ZBTB46: variants seen among roughly 807,000 people sequenced by gnomAD.
The protein encoded by ZBTB46 is zinc finger and BTB domain containing 46, also known as zinc finger and BTB domain-containing protein 46.
Under a neutral mutation model 44.1 loss-of-function variants are expected in ZBTB46, and 8 were observed. The ratio of observed to expected loss-of-function variants is 0.18; its 90% CI spans 0.11 to 0.33. ZBTB46 has a LOEUF of 0.33. Among genes scored for constraint, ZBTB46 ranks in the 10% least tolerant of loss-of-function variants. ZBTB46 has a pLI of 1.00. For synonymous variants in ZBTB46, 409 were observed against 382.3 expected, an observed-to-expected ratio of 1.07 and a Z score of -0.81; for missense variants, 651 against 847.7, an observed-to-expected ratio of 0.77 and a Z score of 2.88.
At chr20:63,750,901 CA>C (rs990711658) in intron 4 of ZBTB46, among the ~76,000 whole-genome samples, 40 of 143,212 alleles carry the variant, frequency 2.8e-4, no homozygotes, top group South Asian at 4.4e-4. Context: ...AACCCTGTCT[CA>C]AAAAAAAAAC....
chr20:63,774,382 G>C lies in ZBTB46; in HGVS notation c.1222+1296C>G, dbSNP rs908055433. Among the ~76,000 whole-genome samples the C allele has an allele frequency of 3.9e-5, 6 of 152,236 alleles. 1 individual carries two copies. The highest frequency in any genetic ancestry group is 2.0e-4 in the Admixed American group (3 of 15,280). On this transcript the variant is annotated intron_variant, in intron 3 of 4. Transcript: ENST00000245663. ...TTTTAGAGCAGCGTAAAGAAACAGAGAAACAGATATACTTCCCAAATCCCA... is the reference window on the plus strand; with the variant it reads ...TTTTAGAGCAGCGTAAAGAAACAGACAAACAGATATACTTCCCAAATCCCA...
At chr20:63,768,013 G>A (rs1373368268) in intron 3 of ZBTB46, 6 of 985,328 alleles carry the variant, frequency 6.1e-6, no homozygotes, top group Admixed American at 6.1e-5. Context: ...GTTACAGACC[G>A]TCAGGATGGG....
chr20:63,827,132 T>TGCCAGCCACC (rs1264734327), intron 1 of ZBTB46, among the ~76,000 whole-genome samples: 1 of 152,178 alleles, frequency 6.6e-6, no homozygotes, highest in African/African-American at 2.4e-5. Context: ...TGCCAGCCTC[T>TGCCAGCCACC]GCCAGCCACC....
chr20:63,750,023 G>A (rs1319673333), intron 4 of ZBTB46, among the ~76,000 whole-genome samples: 1 of 152,254 alleles, frequency 6.6e-6, no homozygotes, highest in Non-Finnish European at 1.5e-5. Flanking sequence ...AAGGCATGGG[G>A]GGCCCTGCCC....
At chr20:63,764,308 C>T (rs1038264153) in intron 3 of ZBTB46, among the ~76,000 whole-genome samples, 6 of 152,038 alleles carry the variant, frequency 3.9e-5, no homozygotes, top group African/African-American at 1.2e-4. Context: ...TGGTGGCTCA[C>T]GCCTGTAATC....
chr20:63,791,369 G>T (rs1187259241), intron 1 of ZBTB46, among the ~76,000 whole-genome samples: 1 of 151,946 alleles, frequency 6.6e-6, no homozygotes, highest in Non-Finnish European at 1.5e-5. Context: ...GGTGGCGGGA[G>T]CCTGTAGTCC....
chr20:63,751,871 C>T (rs930997875), intron 4 of ZBTB46, among the ~76,000 whole-genome samples: 2 of 151,860 alleles, frequency 1.3e-5, no homozygotes, highest in South Asian at 4.2e-4. Flanking sequence ...GTGGGTCTCC[C>T]GGTGGAGCTC....
intron 1 of ZBTB46, among the ~76,000 whole-genome samples, chr20:63,794,135 G>C (rs1313238545): frequency 6.6e-6 from 1 of 150,524 alleles, no homozygotes; most frequent in Non-Finnish European, 1.5e-5. Flanking sequence ...GCAGTGAGCT[G>C]AGATCGAGCC....
intron 2 of ZBTB46, among the ~76,000 whole-genome samples, chr20:63,783,856 A>G (rs1427464327): frequency 2.0e-5 from 3 of 152,190 alleles, no homozygotes; most frequent in Non-Finnish European, 4.4e-5. Context: ...ATTTTCTTCA[A>G]CAGAACAATC....
chr20:63,809,995 A>C (rs1209471832), intron 1 of ZBTB46, among the ~76,000 whole-genome samples: 1 of 151,910 alleles, frequency 6.6e-6, no homozygotes, highest in Non-Finnish European at 1.5e-5. Flanking sequence ...CTCTAAATAC[A>C]TGGAACTGGC....
intron 2 of ZBTB46, among the ~76,000 whole-genome samples, chr20:63,782,086 C>CA (rs66508825): frequency 0.28 from 13,181 of 46,836 alleles, 1,455 homozygotes; most frequent in East Asian, 0.63. Context: ...GACTCCGTCT[C>CA]AAAAAAAAAA....
At chr20:63,794,919 C>T (rs2092589216) in intron 1 of ZBTB46, among the ~76,000 whole-genome samples, 2 of 152,362 alleles carry the variant, frequency 1.3e-5, no homozygotes, top group African/African-American at 4.8e-5. Flanking sequence ...GCACTTGGTA[C>T]ATCTCAGGTC....
At chr20:63,774,688 G>A (rs1361473692) in intron 3 of ZBTB46, among the ~76,000 whole-genome samples, 2 of 103,506 alleles carry the variant, frequency 1.9e-5, no homozygotes, top group African/African-American at 3.9e-5. Flanking sequence ...GGCTGCGGTG[G>A]GTTTTTTTTG....
intron 2 of ZBTB46, among the ~76,000 whole-genome samples, chr20:63,778,861 C>T (rs1361269964): frequency 2.0e-5 from 3 of 152,218 alleles, no homozygotes; most frequent in Admixed American, 6.5e-5. Flanking sequence ...GATGCCATGA[C>T]AAAATACCAC....
chr20:63,772,750 CA>C (rs869147157), intron 3 of ZBTB46, among the ~76,000 whole-genome samples: 14,768 of 91,864 alleles, frequency 0.16, 1,158 homozygotes, highest in East Asian at 0.5. Flanking sequence ...CACACACACA[CA>C]CACACACACA....
At chr20:63,785,224 C>CCAA (rs1555846644) in intron 2 of ZBTB46, among the ~76,000 whole-genome samples, 1 of 96,934 alleles carries the variant, frequency 1.0e-5, no homozygotes, top group African/African-American at 4.2e-5. Context: ...GAGCGAGACT[C>CCAA]AAAAAAAAAA....
intron 1 of ZBTB46, among the ~76,000 whole-genome samples, chr20:63,802,689 G>A (rs1031386443): frequency 2.8e-5 from 4 of 140,962 alleles, no homozygotes; most frequent in Admixed American, 7.2e-5. Context: ...AGGAACCGCC[G>A]CGGCCGACGA....
chr20:63,803,102 C>T lies in ZBTB46; in HGVS notation c.-33-12312G>A, dbSNP rs1027718493. ...ACTCTTGCGAAGAAACCCACCAACCCGGCTCCCCCAGGGCACCTCACCAGC... is the reference window on the plus strand; with the variant it reads ...ACTCTTGCGAAGAAACCCACCAACCTGGCTCCCCCAGGGCACCTCACCAGC... On this transcript the variant is annotated intron_variant, in intron 1 of 4. Coordinates refer to ENST00000245663, the MANE Select transcript of ZBTB46 (RefSeq NM_001369741.1). This position sits in a 1 kb window ranked among gnomAD's most constrained non-coding sequence, Gnocchi z 4.0. Among the ~76,000 whole-genome samples, 20 of 152,216 alleles carry T rather than the reference C, an allele frequency of 1.3e-4. No homozygotes were observed. The highest frequency in any genetic ancestry group is 4.3e-4 in the African/African-American group (18 of 41,550).
intron 1 of ZBTB46, among the ~76,000 whole-genome samples, chr20:63,800,359 G>A (rs752972889): frequency 3.9e-5 from 6 of 152,198 alleles, no homozygotes; most frequent in Non-Finnish European, 8.8e-5. Flanking sequence ...GAGAGGCTGC[G>A]GGAAGCTCCT....
Sources: allele counts gnomAD v4.1 joint callset (sites outside exome capture counted in the v4.1 genomes callset), GRCh38; gene constraint gnomAD v4.1.1; non-coding constraint Gnocchi (gnomAD v3.1); transcripts MANE v1.5; gene names NCBI Gene and HGNC (gene_info 2026-07-23, HGNC 2026-07-21).